KIF13B: variants seen among roughly 807,000 people sequenced by gnomAD.
KIF13B encodes the protein kinesin-like protein KIF13B.
Under a neutral mutation model 222.0 loss-of-function variants are expected in KIF13B, and 127 were observed. The ratio of observed to expected loss-of-function variants is 0.57; its 90% confidence interval spans 0.50 to 0.66. KIF13B has a LOEUF of 0.66. Ranked by LOEUF, KIF13B falls within the 30% of genes least tolerant of loss-of-function variation. The pLI is 0.00. For missense variants in KIF13B, 2,173 were observed against 2,379.0 expected (o/e 0.91, Z 1.80); for synonymous variants, 976 against 919.0 (o/e 1.06, Z -1.12).
chr8:29,245,661 C>T (rs893931146), intron 1 of KIF13B, among the ~76,000 whole-genome samples: 1 of 152,212 alleles, frequency 6.6e-6, no homozygotes, highest in Non-Finnish European at 1.5e-5. Context: ...CACCCTACAT[C>T]AGGAATGAGA....
intron 10 of KIF13B, among the ~76,000 whole-genome samples, chr8:29,174,169 T>A (rs368112897): frequency 6.6e-6 from 1 of 152,300 alleles, no homozygotes; most frequent in African/African-American, 2.4e-5. Flanking sequence ...TACACTGTTA[T>A]TAACTATAGT....
At chr8:29,217,457 T>G (rs1257715636) in intron 2 of KIF13B, among the ~76,000 whole-genome samples, 1 of 152,210 alleles carries the variant, frequency 6.6e-6, no homozygotes, top group East Asian at 1.9e-4. Flanking sequence ...CTATAAAATG[T>G]AGCCAACAAG....
Position 29,067,661 on chromosome 8 carries a change from C to A in KIF13B, c.*2843G>T, listed in dbSNP as rs1807058870. On this transcript the variant is annotated 3_prime_UTR_variant, in exon 40 of 40. Coordinates refer to ENST00000524189, the MANE Select transcript of KIF13B (RefSeq NM_015254.4). ...GCAGGAAGCACAGGGTGACTCCCGT[C>A]TTGTGTGCGTGCGCACAGCCACCAA... 6.6e-6 allele frequency: 1 copy of A among 152,256 alleles called. No individual in the cohort carries two copies. The highest frequency in any genetic ancestry group is 1.5e-5 in the Non-Finnish European group (1 of 68,074). 9.4% of individuals were successfully genotyped at this position (152,256 alleles called of 1,614,324 possible).
At chr8:29,243,417 G>A (rs1474383198) in intron 2 of KIF13B, among the ~76,000 whole-genome samples, 2 of 151,810 alleles carry the variant, frequency 1.3e-5, no homozygotes, top group Non-Finnish European at 2.9e-5. Context: ...AGCACTTTGG[G>A]AGGCCGACGC....
intron 14 of KIF13B, among the ~76,000 whole-genome samples, chr8:29,151,533 C>T (rs189917494): frequency 9.8e-5 from 15 of 152,300 alleles, no homozygotes; most frequent in Non-Finnish European, 1.6e-4. Flanking sequence ...TAAGTTGATG[C>T]CAATGCTTAC....
intron 5 of KIF13B, 57 bp downstream of exon 5, chr8:29,188,458 G>A (rs1813037023): frequency 2.8e-6 from 3 of 1,073,828 alleles, no homozygotes; most frequent in South Asian, 1.4e-5. Flanking sequence ...AAATAAACAT[G>A]GTTCTATTTT....
intron 1 of KIF13B, among the ~76,000 whole-genome samples, chr8:29,246,144 C>A (rs1816010774): frequency 6.6e-6 from 1 of 152,116 alleles, no homozygotes; most frequent in African/African-American, 2.4e-5. Context: ...CTTTGGGAGG[C>A]CGAGGCGGGT....
intron 18 of KIF13B, 138 bp from the exon 19 acceptor site, chr8:29,142,441 G>A (rs1810859737): frequency 4.1e-6 from 3 of 731,156 alleles, no homozygotes; most frequent in Non-Finnish European, 6.6e-6. Flanking sequence ...TGATTACAAA[G>A]CCTCCAAAAA....
Position 29,220,688 on chromosome 8 carries a change from C to T in KIF13B, c.150-24489G>A, listed in dbSNP as rs546403122. ...ACAGAAAAAGATACATACAAACATACACACCAATGTCAACTTATGCATAAA... is the reference window on the plus strand; with the variant it reads ...ACAGAAAAAGATACATACAAACATATACACCAATGTCAACTTATGCATAAA... On this transcript the variant is annotated intron_variant, in intron 2 of 39. Transcript: ENST00000524189. Among the ~76,000 whole-genome samples the T allele has an allele frequency of 2.0e-5, 3 of 152,146 alleles. No homozygotes were observed. In the South Asian group the frequency reaches 6.2e-4, roughly 32 times the overall value.
chr8:29,185,826 C>T lies in KIF13B; in HGVS notation c.497+466G>A, dbSNP rs116588942. Among the ~76,000 whole-genome samples, 361 of 152,312 alleles carry T rather than the reference C, an allele frequency of 2.4e-3. 2 individuals are homozygous for T. The highest frequency in any genetic ancestry group is 8.3e-3 in the African/African-American group (344 of 41,564). Reference sequence around the variant, plus strand: ...TTCCTTAAAATCTGAACTCGAAAAACTCTGTGGAATGAACAGATTTCTAGA... The same window carrying T: ...TTCCTTAAAATCTGAACTCGAAAAATTCTGTGGAATGAACAGATTTCTAGA... On this transcript the variant is annotated intron_variant, in intron 6 of 39. Coordinates refer to ENST00000524189, the MANE Select transcript of KIF13B (RefSeq NM_015254.4).
chr8:29,092,957 C>T, intron 36 of KIF13B, 79 bp from the exon 37 acceptor site: 1 of 1,273,690 alleles, frequency 7.9e-7, no homozygotes, highest in South Asian at 1.8e-5. Flanking sequence ...TGACAGACAT[C>T]ACTTGTCAGC....
At position 29,140,081 on chromosome 8, in the gene KIF13B, C is replaced by T. The variant is rs772132071; in HGVS notation, c.2595G>A (p.Glu865=). Residue 865 remains glutamate, a synonymous_variant, in exon 21 of 40, where the codon GAG becomes GAA. Transcript: ENST00000524189. The part of the protein sequence containing the change: ...AEVSFEKETQ[E]NKLVCMVKIL... Reference sequence around the variant, plus strand: ...GACTTACCATGCACACCAGTTTGTTCTCCTGGGTCTCCTTCTCAAAGGAGA... The same window carrying T: ...GACTTACCATGCACACCAGTTTGTTTTCCTGGGTCTCCTTCTCAAAGGAGA... 6.3e-7 allele frequency: 1 copy of T among 1,595,908 alleles called. No individual in the cohort carries two copies. The highest frequency in any genetic ancestry group is 1.3e-5 in the African/African-American group (1 of 74,584).
chr8:29,092,895 G>T lies in KIF13B; in HGVS notation c.4325-17C>A. The T allele has an allele frequency of 1.3e-6, 2 of 1,584,992 alleles. No individual in the cohort carries two copies. Among genetic ancestry groups the T allele is most frequent in the South Asian group, 2.3e-5 (2 of 86,632 alleles). ...TACTGAGTCCTGCCCATATTACAGG[G>T]GAAAAAGATAAAACAAATACAATTA... On this transcript the variant is annotated splice_polypyrimidine_tract_variant and intron_variant, in intron 36 of 39. Coordinates refer to ENST00000524189, the MANE Select transcript of KIF13B (RefSeq NM_015254.4).
rs1021427927 is a variant in KIF13B at position 29,127,132 on chromosome 8, T to G, written c.3212A>C (p.Glu1071Ala). Residue 1071 changes from glutamate to alanine, a missense_variant, in exon 25 of 40, where the codon GAG becomes GCG. Physicochemically the swap from Glu to Ala is moderately radical, Grantham distance 107 (BLOSUM62 -1). Transcript: ENST00000524189. ...VRPLRAPRTH[E>A]TFHEEEEDMD... is the part of the protein sequence containing the mutation. ...GGTATAGAAACTTACATGGAAGGTC[T>G]CATGTGTTCTGGGGGCTCTGAGCGG... 6.2e-7 allele frequency: 1 copy of G among 1,613,774 alleles called. No homozygotes were observed. Among genetic ancestry groups the G allele is most frequent in the Non-Finnish European group, 8.5e-7 (1 of 1,179,732 alleles).
chr8:29,076,561 T>C (rs1185772950), intron 37 of KIF13B, among the ~76,000 whole-genome samples: 3 of 152,184 alleles, frequency 2.0e-5, no homozygotes, highest in Non-Finnish European at 2.9e-5. Context: ...CTGGGGAGCC[T>C]GGACTCCAGC....
At chr8:29,079,155 T>C (rs1807695279) in intron 37 of KIF13B, among the ~76,000 whole-genome samples, 1 of 152,214 alleles carries the variant, frequency 6.6e-6, no homozygotes. Context: ...ATTCCCTCAA[T>C]GGACGGCTTT....
At chr8:29,074,821 G>GA (rs1223141981) in intron 38 of KIF13B, among the ~76,000 whole-genome samples, 1 of 152,222 alleles carries the variant, frequency 6.6e-6, no homozygotes, top group Non-Finnish European at 1.5e-5. Flanking sequence ...GAGAATGAAA[G>GA]CGCAGTGGGA....
At chr8:29,136,795 GTTTT>G (rs1203051867) in intron 21 of KIF13B, among the ~76,000 whole-genome samples, 10 of 116,824 alleles carry the variant, frequency 8.6e-5, no homozygotes, top group Non-Finnish European at 5.3e-5. Context: ...CCTGTAACAG[GTTTT>G]TTTTTTTTTT....
intron 2 of KIF13B, among the ~76,000 whole-genome samples, chr8:29,244,045 G>A (rs1032517693): frequency 2.6e-5 from 4 of 151,728 alleles, no homozygotes; most frequent in Admixed American, 6.6e-5. Flanking sequence ...ACGGAGTCTC[G>A]CTCTGTCGCC....
Sources: gnomAD v4.1 joint callset for allele counts (sites outside exome capture counted in the v4.1 genomes callset) on GRCh38, gnomAD v4.1.1 for gene constraint, MANE v1.5 for transcripts, NCBI Gene and HGNC (gene_info 2026-07-23, HGNC 2026-07-21) for gene names.